Variants in TCOF1 observed in about 807,000 individuals in gnomAD.
TCOF1 encodes treacle protein.
TCOF1 carries 33 observed loss-of-function variants against 149.0 expected under a neutral mutation model. The ratio of observed to expected loss-of-function variants is 0.22; its 90% CI spans 0.17 to 0.30. The LOEUF is 0.30. Ranked by LOEUF, TCOF1 falls within the 10% of genes least tolerant of loss-of-function variation. TCOF1 has a pLI of 1.00. For synonymous variants in TCOF1, 789 were observed against 738.8 expected (o/e 1.07, Z -1.10); for missense variants, 1,728 against 1,840.7 (o/e 0.94, Z 1.12).
chr5:150,376,033 G>A, intron 12 of TCOF1, 49 bp from the exon 13 acceptor site: 1 of 1,613,122 alleles, frequency 6.2e-7, no homozygotes, highest in Non-Finnish European at 8.5e-7. Flanking sequence ...ACAGATGGGG[G>A]ACTCTGAGTT....
intron 4 of TCOF1, chr5:150,368,333 C>T: frequency 5.7e-6 from 2 of 351,930 alleles, no homozygotes; most frequent in South Asian, 6.0e-5. Context: ...GCTCAAAAAA[C>T]AAGGTGTCAT....
At chr5:150,399,219 G>C in intron 26 of TCOF1, 149 bp downstream of exon 26, 8 of 1,060,570 alleles carry the variant, frequency 7.5e-6, no homozygotes, top group Non-Finnish European at 1.1e-5. Flanking sequence ...GGTCCATGGG[G>C]CCACTGGGGT....
intron 3 of TCOF1, among the ~76,000 whole-genome samples, chr5:150,366,341 A>T (rs541179541): frequency 6.6e-6 from 1 of 152,214 alleles, no homozygotes; most frequent in Admixed American, 6.5e-5. Context: ...GCAGAGCAAG[A>T]CCCTGTCTCA....
At chr5:150,362,383 A>G (rs1760327045) in intron 2 of TCOF1, among the ~76,000 whole-genome samples, 1 of 152,178 alleles carries the variant, frequency 6.6e-6, no homozygotes, top group Non-Finnish European at 1.5e-5. Context: ...GACATATCCC[A>G]TGAGGAATGG....
chr5:150,397,153 CA>C (rs58246300), intron 24 of TCOF1, among the ~76,000 whole-genome samples: 33,834 of 87,028 alleles, frequency 0.39, 3,894 homozygotes, highest in Admixed American at 0.5. Flanking sequence ...GCAAGACTGT[CA>C]AAAAAAAAAA....
chr5:150,357,876 G>T, intron 1 of TCOF1, 22 bp downstream of exon 1: 1 of 1,546,692 alleles, frequency 6.5e-7, no homozygotes, highest in Non-Finnish European at 8.7e-7. Context: ...TGGGCCGTGT[G>T]CGAGGGCCGC....
intron 14 of TCOF1, among the ~76,000 whole-genome samples, chr5:150,377,207 GCAGTT>G (rs1764014220): frequency 6.6e-6 from 1 of 152,176 alleles, no homozygotes; most frequent in Non-Finnish European, 1.5e-5. Flanking sequence ...GGGATGGCTG[GCAGTT>G]GTTTAGAGCC....
In TCOF1 at chr5:150,368,404, G is replaced by A. The variant is rs544940132; in HGVS notation, c.379-312G>A. 143 of 429,010 alleles carry A rather than the reference G, an allele frequency of 3.3e-4. 4 individuals carry two copies. In the South Asian group the frequency reaches 3.4e-3, roughly 10 times the overall value. 26.6% of individuals were successfully genotyped at this position (429,010 alleles called of 1,614,324 possible). Reference sequence around the variant, plus strand: ...CATGTATAAAGAATTGTGCCTCTGCGATTGCCTGGAGCATTAGCAACAATG... The same window carrying A: ...CATGTATAAAGAATTGTGCCTCTGCAATTGCCTGGAGCATTAGCAACAATG... On this transcript the variant is annotated intron_variant, in intron 4 of 26. Transcript: ENST00000643257.
In TCOF1 at chr5:150,367,829, G is replaced by A. The variant is rs751668594; in HGVS notation, c.305-15G>A. 1.2e-6 allele frequency: 2 copies of A among 1,614,052 alleles called. No homozygotes were observed. Among genetic ancestry groups the A allele is most frequent in the East Asian group, 2.2e-5 (1 of 44,880 alleles). On this transcript the variant is annotated splice_polypyrimidine_tract_variant and intron_variant, in intron 3 of 26. Coordinates refer to ENST00000643257, the MANE Select transcript of TCOF1 (RefSeq NM_001371623.1). ...AGCTCATCTGGCTCCTTTAGCAGAT[G>A]TTTGTTTCTTGCAGCCCCAAGACTA... is the stretch of plus-strand genomic sequence containing the variant.
intron 17 of TCOF1, among the ~76,000 whole-genome samples, chr5:150,381,861 A>T (rs1451837728): frequency 6.6e-6 from 1 of 152,158 alleles, no homozygotes; most frequent in African/African-American, 2.4e-5. Context: ...TCTGCACTCC[A>T]CTAGCTTTAT....
chr5:150,380,058 G>T, intron 17 of TCOF1: 2 of 232,454 alleles, frequency 8.6e-6, no homozygotes, highest in Non-Finnish European at 1.7e-5. Context: ...GGTGATGAGA[G>T]TGAGACTGTC....
chr5:150,358,836 C>CA (rs997780967), intron 1 of TCOF1, among the ~76,000 whole-genome samples: 22 of 145,246 alleles, frequency 1.5e-4, no homozygotes, highest in East Asian at 1.0e-3. Flanking sequence ...GACTCTGCCT[C>CA]AAAAAAAAAA....
intron 17 of TCOF1, chr5:150,384,697 A>T (rs2150934756): frequency 1.0e-6 from 1 of 985,474 alleles, no homozygotes; most frequent in Non-Finnish European, 1.2e-6. Flanking sequence ...AGCAGAAAAG[A>T]AGTCAGCGGT....
At chr5:150,372,652 G>T (rs372561605) in intron 7 of TCOF1, among the ~76,000 whole-genome samples, 1 of 152,322 alleles carries the variant, frequency 6.6e-6, no homozygotes, top group African/African-American at 2.4e-5. Context: ...GGGCAAGACA[G>T]GGGGGCTGGA....
chr5:150,367,668 G>A (rs1761653423), intron 3 of TCOF1, 176 bp from the exon 4 acceptor site: 2 of 687,552 alleles, frequency 2.9e-6, no homozygotes, highest in African/African-American at 3.5e-5. Context: ...GCTCCTGGTG[G>A]ACCTGGCTGA....
intron 3 of TCOF1, among the ~76,000 whole-genome samples, chr5:150,366,153 G>C (rs1366278560): frequency 6.7e-6 from 1 of 149,890 alleles, no homozygotes; most frequent in Admixed American, 6.6e-5. Context: ...GTCCTCGTTG[G>C]CATCCTGGGC....
rs752220785 is a variant in TCOF1 at position 150,368,845 on chromosome 5, G to C, written c.508G>C (p.Val170Leu). 1.1e-5 allele frequency: 18 copies of C among 1,613,928 alleles called. No homozygotes were observed. Among genetic ancestry groups the C allele is most frequent in the Non-Finnish European group, 1.2e-5 (14 of 1,180,050 alleles). Reference protein sequence around the residue: ...SAEPSANTTLVSETEEEGSVP... With the variant: ...SAEPSANTTLLSETEEEGSVP... ...AGAGCCCTCAGCAAATACTACGTTG[G>C]TCTCAGAAACTGAGGAGGAGGGCAG... Residue 170 changes from valine to leucine, a missense_variant, in exon 5 of 27, where the codon GTC (valine) becomes CTC (leucine). By Grantham distance (32) the Val-to-Leu change is conservative (BLOSUM62 1). Around this residue, in one of 2 missense-constraint regions of TCOF1, gnomAD observed 1,696 missense variants for 1,765.4 expected, o/e 0.96. Transcript: ENST00000643257.
At chr5:150,386,539 C>G (rs1014772639) in intron 17 of TCOF1, among the ~76,000 whole-genome samples, 1 of 152,202 alleles carries the variant, frequency 6.6e-6, no homozygotes, top group East Asian at 1.9e-4. Flanking sequence ...CTTTATGCCT[C>G]TCCACAGCAC....
chr5:150,359,069 A>C (rs775919933), intron 1 of TCOF1, among the ~76,000 whole-genome samples: 5 of 150,304 alleles, frequency 3.3e-5, no homozygotes, highest in Non-Finnish European at 7.4e-5. Context: ...ATAGCAGGCC[A>C]GGTACGGTAG....
Sources: gnomAD v4.1 joint callset for allele counts (sites outside exome capture counted in the v4.1 genomes callset) on GRCh38, gnomAD v4.1.1 for gene constraint, gnomAD v4.1.1 regional missense constraint, MANE v1.5 for transcripts, NCBI Gene and HGNC (gene_info 2026-07-23, HGNC 2026-07-21) for gene names.